Variants in NOS1AP observed in about 807,000 individuals in gnomAD.
NOS1AP encodes nitric oxide synthase 1 adaptor protein.
In NOS1AP, 21 loss-of-function variants were observed where a neutral mutation model predicts 56.2. The observed-to-expected ratio is 0.37, with a 90% CI of 0.26 to 0.54. The LOEUF is 0.54. Among genes scored for constraint, NOS1AP ranks in the 20% least tolerant of loss-of-function variants. The pLI, the probability that NOS1AP is intolerant of heterozygous loss-of-function variation, is 0.84. For missense variants in NOS1AP, 522 were observed against 657.8 expected (o/e 0.79, Z 2.26); for synonymous variants, 270 against 274.6 (o/e 0.98, Z 0.17).
intron 8 of NOS1AP, chr1:162,363,952 G>A (rs1214160092): frequency 2.0e-6 from 2 of 985,278 alleles, no homozygotes; most frequent in African/African-American, 3.5e-5. Context: ...TCAACGGCAA[G>A]GTCAGGGCCT....
intron 2 of NOS1AP, among the ~76,000 whole-genome samples, chr1:162,163,506 T>C (rs1650328571): frequency 6.6e-6 from 1 of 152,306 alleles, no homozygotes; most frequent in East Asian, 1.9e-4. Flanking sequence ...AAAGTCCCTG[T>C]CTGCATGGAG....
intron 6 of NOS1AP, among the ~76,000 whole-genome samples, chr1:162,348,710 G>C (rs1230686831): frequency 6.6e-6 from 1 of 152,184 alleles, no homozygotes; most frequent in African/African-American, 2.4e-5. Flanking sequence ...GGCTGGATAT[G>C]TTAAATAATA....
At chr1:162,151,394 G>A (rs1405470726) in intron 1 of NOS1AP, among the ~76,000 whole-genome samples, 3 of 152,194 alleles carry the variant, frequency 2.0e-5, no homozygotes, top group African/African-American at 7.2e-5. Flanking sequence ...ATGTTCTGTA[G>A]CATGTACCTG....
chr1:162,198,053 G>A (rs1651865864), intron 2 of NOS1AP, among the ~76,000 whole-genome samples: 1 of 152,250 alleles, frequency 6.6e-6, no homozygotes, highest in Non-Finnish European at 1.5e-5. Context: ...CTGGCTGTAG[G>A]AGGGCCCTGG....
intron 2 of NOS1AP, among the ~76,000 whole-genome samples, chr1:162,253,754 G>T (rs1571163745): frequency 6.6e-6 from 1 of 151,674 alleles, no homozygotes; most frequent in African/African-American, 2.4e-5. Flanking sequence ...TATCTTCTGG[G>T]TTTTTTTTCT....
chr1:162,246,267 T>C (rs865903308), intron 2 of NOS1AP, among the ~76,000 whole-genome samples: 1 of 152,214 alleles, frequency 6.6e-6, no homozygotes, highest in African/African-American at 2.4e-5. Context: ...AAATAAGATA[T>C]GGCCCAGTCC....
At chr1:162,287,270 G>GA (rs1655118959) in intron 2 of NOS1AP, 74 bp from the exon 3 acceptor site, 1 of 1,088,872 alleles carries the variant, frequency 9.2e-7, no homozygotes, top group Admixed American at 1.7e-5. Flanking sequence ...TTCCAGGCAT[G>GA]GGCTAGCTGG....
intron 2 of NOS1AP, among the ~76,000 whole-genome samples, chr1:162,286,531 A>G (rs1008655034): frequency 5.9e-5 from 9 of 152,232 alleles, no homozygotes; most frequent in Admixed American, 3.9e-4. Context: ...ACCACCAGTT[A>G]TGAATAGCTA....
intron 1 of NOS1AP, among the ~76,000 whole-genome samples, chr1:162,144,436 T>A (rs1649364873): frequency 2.0e-5 from 3 of 152,350 alleles, no homozygotes; most frequent in African/African-American, 7.2e-5. Context: ...TGTCATTGGA[T>A]CTGACTTCCT....
At chr1:162,161,998 G>A (rs1650245340) in intron 2 of NOS1AP, among the ~76,000 whole-genome samples, 1 of 152,186 alleles carries the variant, frequency 6.6e-6, no homozygotes, top group South Asian at 2.1e-4. Flanking sequence ...GGCTCTCTTG[G>A]AATTTAGGAA....
chr1:162,292,781 G>C (rs976613455), intron 3 of NOS1AP, among the ~76,000 whole-genome samples: 3 of 152,200 alleles, frequency 2.0e-5, no homozygotes, highest in Admixed American at 1.3e-4. Flanking sequence ...AGTAGTGCTG[G>C]TTACTATGGA....
At chr1:162,139,044 C>T (rs1558117755) in intron 1 of NOS1AP, among the ~76,000 whole-genome samples, 1 of 152,144 alleles carries the variant, frequency 6.6e-6, no homozygotes, top group Non-Finnish European at 1.5e-5. Context: ...AGTAACAAAC[C>T]TCATAATAGG....
chr1:162,173,839 C>G (rs1314200349), intron 2 of NOS1AP, among the ~76,000 whole-genome samples: 3 of 152,150 alleles, frequency 2.0e-5, no homozygotes, highest in Non-Finnish European at 4.4e-5. Context: ...CAGAGAAATG[C>G]AAATCAAAAC....
rs370749110 is a variant in NOS1AP at position 162,175,469 on chromosome 1, ATTGT to A, written c.177+20999_177+21002del. Among the ~76,000 whole-genome samples the A allele has an allele frequency of 1.4e-4, 21 of 152,122 alleles. 1 individual carries two copies. The highest frequency in any genetic ancestry group is 4.8e-4 in the African/African-American group (20 of 41,486). ...GGCTCTTGTATCCCCTTGCCCCATC[ATTGT>A]TTGTTGTTTTGAGCACGTTTTAACT... is the stretch of plus-strand genomic sequence containing the variant. On this transcript the variant is annotated intron_variant, in intron 2 of 9. Transcript: ENST00000361897.
At chr1:162,190,622 T>C (rs1651595373) in intron 2 of NOS1AP, among the ~76,000 whole-genome samples, 2 of 152,174 alleles carry the variant, frequency 1.3e-5, no homozygotes, top group African/African-American at 4.8e-5. Flanking sequence ...GAACATTCAG[T>C]GTCTTCCTTC....
chr1:162,325,986 AC>A (rs972005682), intron 4 of NOS1AP, among the ~76,000 whole-genome samples: 1 of 151,968 alleles, frequency 6.6e-6, no homozygotes, highest in Non-Finnish European at 1.5e-5. Flanking sequence ...GTTTGTTTCC[AC>A]AGTTTTCAAG....
chr1:162,151,651 G>A (rs914733889), intron 1 of NOS1AP, among the ~76,000 whole-genome samples: 10 of 152,108 alleles, frequency 6.6e-5, no homozygotes, highest in African/African-American at 1.7e-4. Flanking sequence ...ATTATTTTGT[G>A]TCCTCTTCAA....
intron 1 of NOS1AP, among the ~76,000 whole-genome samples, chr1:162,112,469 T>C (rs1003632979): frequency 1.4e-4 from 22 of 152,308 alleles, no homozygotes; most frequent in South Asian, 2.1e-4. Flanking sequence ...TGGGTTCCAA[T>C]TGGTTTATCT....
At chr1:162,075,602 C>T (rs968465331) in intron 1 of NOS1AP, among the ~76,000 whole-genome samples, 1 of 152,226 alleles carries the variant, frequency 6.6e-6, no homozygotes, top group Non-Finnish European at 1.5e-5. Context: ...TGTCCCCTTT[C>T]TCCCTTCTCT....
Sources: allele counts gnomAD v4.1 joint callset (sites outside exome capture counted in the v4.1 genomes callset), GRCh38; gene constraint gnomAD v4.1.1; transcripts MANE v1.5; gene names NCBI Gene and HGNC (gene_info 2026-07-23, HGNC 2026-07-21).